ROS1: variants seen among roughly 807,000 people sequenced by gnomAD.
ROS1 encodes proto-oncogene tyrosine-protein kinase ROS.
ROS1 carries 263 observed loss-of-function variants against 273.5 expected under a neutral mutation model. The observed-to-expected ratio is 0.96, with a 90% CI of 0.87 to 1.06. The LOEUF (loss-of-function observed/expected upper bound fraction) is 1.06, where lower values mean the gene tolerates loss of function less well. Among genes scored for constraint, ROS1 ranks in the 50% least tolerant of loss-of-function variants. ROS1 has a pLI of 0.00. For missense variants in ROS1, 2,833 were observed against 2,751.1 expected (o/e 1.03, Z -0.67); for synonymous variants, 1,008 against 954.1 (o/e 1.06, Z -1.04).
intron 3 of ROS1, among the ~76,000 whole-genome samples, chr6:117,414,880 T>G (rs1262793432): frequency 6.6e-6 from 1 of 152,098 alleles, no homozygotes; most frequent in African/African-American, 2.4e-5. Context: ...GAACAGGAAA[T>G]GAAAACCACC....
chr6:117,288,473 T>C lies in ROS1; in HGVS notation c.*19A>G. On this transcript the variant is annotated 3_prime_UTR_variant, in exon 44 of 44. Coordinates refer to ENST00000368507, the MANE Select transcript of ROS1 (RefSeq NM_001378902.1). ...AATGAGAGTGTTTATCTCAACTCTC[T>C]ATTTCCCAAACAACGCTATTAATCA... 6.3e-7 allele frequency: 1 copy of C among 1,588,316 alleles called. No homozygotes were observed. Among genetic ancestry groups the C allele is most frequent in the Non-Finnish European group, 8.6e-7 (1 of 1,167,690 alleles).
chr6:117,356,763 A>C lies in ROS1; in HGVS notation c.3992T>G (p.Leu1331Ter). The change falls in exon 26 of 44, where the codon TTA (leucine) becomes TGA (stop). Residue 1331 changes from leucine to a stop codon, truncating the protein, a stop_gained. Transcript: ENST00000368507. LOFTEE classifies it high-confidence loss of function. ...QCSCNVTEFE[L>*]SGAMAIDTSN... Reference sequence around the variant, plus strand: ...GGTATCAATAGCCATTGCTCCACTTAACTCAAATTCAGTCACATTACAAGA... The same window carrying C: ...GGTATCAATAGCCATTGCTCCACTTCACTCAAATTCAGTCACATTACAAGA... 1.9e-6 allele frequency: 3 copies of C among 1,614,142 alleles called. No homozygotes were observed. The highest frequency in any genetic ancestry group is 2.5e-6 in the Non-Finnish European group (3 of 1,180,022).
chr6:117,341,782 G>A (rs1342443845), intron 29 of ROS1, 150 bp from the exon 30 acceptor site: 17 of 642,160 alleles, frequency 2.6e-5, no homozygotes, highest in Non-Finnish European at 3.8e-5. Context: ...TTCTATAATC[G>A]TAGGTTAACA....
rs372637439 is a variant in ROS1 at position 117,385,822 on chromosome 6, G to A, written c.2150C>T (p.Thr717Met). The change falls in exon 16 of 44, where the codon ACG (threonine) becomes ATG (methionine). Residue 717 changes from threonine to methionine, a missense_variant. By Grantham distance (81) the Thr-to-Met change is moderately conservative. Coordinates refer to ENST00000368507, the MANE Select transcript of ROS1 (RefSeq NM_001378902.1). ...WYNNSLYYSD[T>M]KGDVFVWLLN... Reference sequence around the variant, plus strand: ...CAGCCACACAAAAACGTCGCCTTTCGTGTCACTGTAGTAGAGGCTGTTGTT... The same window carrying A: ...CAGCCACACAAAAACGTCGCCTTTCATGTCACTGTAGTAGAGGCTGTTGTT... 33 of 1,613,992 alleles carry A rather than the reference G, an allele frequency of 2.0e-5. 1 individual carries two copies. The highest frequency in any genetic ancestry group is 6.6e-5 in the South Asian group (6 of 91,082).
At chr6:117,402,506 C>A (rs1774026190) in intron 7 of ROS1, among the ~76,000 whole-genome samples, 1 of 152,182 alleles carries the variant, frequency 6.6e-6, no homozygotes, top group Admixed American at 6.5e-5. Flanking sequence ...TCAAAATATT[C>A]CTCTTACTAT....
intron 4 of ROS1, 102 bp downstream of exon 4, chr6:117,414,417 C>G: frequency 1.4e-6 from 1 of 696,366 alleles, no homozygotes; most frequent in South Asian, 1.7e-5. Flanking sequence ...TCTCAGTGCA[C>G]TGAGAATTTT....
intron 36 of ROS1, among the ~76,000 whole-genome samples, chr6:117,320,775 A>G (rs1322133210): frequency 6.6e-6 from 1 of 152,160 alleles, no homozygotes; most frequent in Non-Finnish European, 1.5e-5. Context: ...GAACCTTTGC[A>G]TAAGACACTT....
intron 27 of ROS1, 34 bp downstream of exon 27, chr6:117,352,956 G>A (rs1479121562): frequency 1.8e-5 from 28 of 1,594,974 alleles, no homozygotes; most frequent in Non-Finnish European, 2.3e-5. Flanking sequence ...CCTAAATTGG[G>A]AGAACAAGCT....
At chr6:117,372,819 G>C (rs1273082862) in intron 18 of ROS1, among the ~76,000 whole-genome samples, 1 of 152,184 alleles carries the variant, frequency 6.6e-6, no homozygotes, top group African/African-American at 2.4e-5. Flanking sequence ...AAAGAACAAA[G>C]CTTCTACACT....
chr6:117,413,581 C>A (rs992170333), intron 4 of ROS1, among the ~76,000 whole-genome samples: 2 of 152,106 alleles, frequency 1.3e-5, no homozygotes, highest in African/African-American at 4.8e-5. Flanking sequence ...GCTTAGAGCA[C>A]CGTAAGGACA....
Position 117,324,365 on chromosome 6 carries a change from T to C in ROS1, c.5590A>G (p.Ile1864Val). Residue 1864 changes from isoleucine to valine, a missense_variant, in exon 35 of 44, where the codon ATA becomes GTA. Ile to Val is a conservative substitution (Grantham distance 29). Transcript: ENST00000368507. ...TSFILTIIVG[I>V]FLVVTIPLTF... ...AGTGGGATTGTAACAACCAGAAATA[T>C]TCCAACTATAATAGTAAGTATGAAA... The C allele has an allele frequency of 2.0e-6, 3 of 1,531,690 alleles. No individual in the cohort carries two copies. Among genetic ancestry groups the C allele is most frequent in the Non-Finnish European group, 2.7e-6 (3 of 1,112,398 alleles). The allele number at this position is 1,531,690 out of a possible 1,614,324, so 94.9% of individuals were successfully genotyped here. A position where few individuals can be genotyped will look rare whatever the true frequency, so the allele number is the denominator to read the frequency against.
At chr6:117,322,647 CT>C (rs1440533071) in intron 35 of ROS1, among the ~76,000 whole-genome samples, 2 of 152,168 alleles carry the variant, frequency 1.3e-5, no homozygotes, top group Admixed American at 1.3e-4. Flanking sequence ...TAAAAATTGT[CT>C]AATTTTATGT....
chr6:117,419,738 G>A (rs768716696), intron 1 of ROS1, among the ~76,000 whole-genome samples: 5 of 152,128 alleles, frequency 3.3e-5, no homozygotes, highest in African/African-American at 7.2e-5. Context: ...TGGATGCTGG[G>A]TAGTCTTTGT....
chr6:117,341,568 C>T lies in ROS1; in HGVS notation c.4716G>A (p.Trp1572Ter), dbSNP rs770865174. 6.2e-7 allele frequency: 1 copy of T among 1,613,666 alleles called. No individual in the cohort carries two copies. Among genetic ancestry groups the T allele is most frequent in the Non-Finnish European group, 8.5e-7 (1 of 1,179,744 alleles). Residue 1572 changes from tryptophan to a stop codon, truncating the protein, a stop_gained, in exon 30 of 44, where the codon TGG (tryptophan) becomes TGA (stop). Coordinates refer to ENST00000368507, the MANE Select transcript of ROS1 (RefSeq NM_001378902.1). LOFTEE classifies it high-confidence loss of function. Reference sequence around the variant, plus strand: ...GTCCATTTGGCTTGTGAGATTCTCTCCAAGATATAATGAGGCTGGTGTCTG... The same window carrying T: ...GTCCATTTGGCTTGTGAGATTCTCTTCAAGATATAATGAGGCTGGTGTCTG... Reference protein sequence around the residue: ...VRSDTSLIISWRESHKPNGPK... With the variant: ...VRSDTSLIIS
intron 18 of ROS1, among the ~76,000 whole-genome samples, chr6:117,371,257 G>A (rs1233557231): frequency 6.6e-6 from 1 of 152,192 alleles, no homozygotes; most frequent in Admixed American, 6.5e-5. Context: ...AAAACTGAGT[G>A]CCCAAAGTGT....
intron 37 of ROS1, among the ~76,000 whole-genome samples, chr6:117,318,513 T>G (rs964776990): frequency 6.6e-6 from 1 of 152,116 alleles, no homozygotes; most frequent in Non-Finnish European, 1.5e-5. Flanking sequence ...AGAGACCAAG[T>G]TTTGTTGTTT....
intron 16 of ROS1, 76 bp downstream of exon 16, chr6:117,385,607 A>G (rs1772503795): frequency 5.3e-6 from 7 of 1,328,422 alleles, no homozygotes; most frequent in African/African-American, 2.9e-5. Flanking sequence ...TAAAAAAAAA[A>G]AAGAAATTGG....
chr6:117,310,361 T>C (rs1476709281), intron 40 of ROS1, 80 bp from the exon 41 acceptor site: 1 of 1,037,926 alleles, frequency 9.6e-7, no homozygotes. Context: ...CCCTAGTAGG[T>C]CTGTAAAGAA....
intron 37 of ROS1, 86 bp from the exon 38 acceptor site, chr6:117,318,338 C>T (rs1776062958): frequency 4.2e-6 from 4 of 942,222 alleles, no homozygotes; most frequent in Non-Finnish European, 6.9e-6. Context: ...TCTGTTTGTT[C>T]TGTAATATCT....
Sources: gnomAD v4.1 joint callset for allele counts (sites outside exome capture counted in the v4.1 genomes callset) on GRCh38, gnomAD v4.1.1 for gene constraint, MANE v1.5 for transcripts, NCBI Gene and HGNC (gene_info 2026-07-23, HGNC 2026-07-21) for gene names.